The following CCDC141 variants were observed in gnomAD, a reference collection of about 807,000 sequenced individuals.
The protein encoded by CCDC141 is coiled-coil domain-containing protein 141.
CCDC141 carries 168 observed loss-of-function variants against 181.0 expected under a neutral mutation model. The observed-to-expected ratio is 0.93, with a 90% confidence interval of 0.82 to 1.05. The LOEUF (loss-of-function observed/expected upper bound fraction) is 1.05. CCDC141 is among the 50% of genes least tolerant of loss of function. The probability of loss-of-function intolerance (pLI) is 0.00; values close to 1 mark genes in which losing one functional copy is unlikely to be tolerated. For missense variants in CCDC141, 1,902 were observed against 1,788.5 expected, an observed-to-expected ratio of 1.06 and a Z score of -1.14; for synonymous variants, 666 against 642.3, an observed-to-expected ratio of 1.04 and a Z score of -0.56.
At chr2:178,958,035 C>T (rs550201104) in intron 5 of CCDC141, among the ~76,000 whole-genome samples, 6 of 152,284 alleles carry the variant, frequency 3.9e-5, no homozygotes, top group African/African-American at 9.6e-5. Flanking sequence ...AAATGAAAAA[C>T]GCCAATCTGA....
chr2:178,817,099 A>C, the CCDC141 span, among the ~76,000 whole-genome samples: 1 of 152,226 alleles, frequency 6.6e-6, no homozygotes, highest in Non-Finnish European at 1.5e-5. Context: ...TCCACATATG[A>C]GTATTTATAC....
intron 2 of CCDC141, among the ~76,000 whole-genome samples, chr2:178,988,857 A>G (rs142941669): frequency 2.0e-5 from 3 of 152,332 alleles, no homozygotes; most frequent in African/African-American, 4.8e-5. Flanking sequence ...CTATATGTCT[A>G]TGGCCAATTG....
chr2:178,818,733 G>T, the CCDC141 span, among the ~76,000 whole-genome samples: 1 of 152,160 alleles, frequency 6.6e-6, no homozygotes, highest in Non-Finnish European at 1.5e-5. Context: ...GTGCTGCAAT[G>T]AACATACATG....
At chr2:178,911,154 C>T (rs1688201175) in intron 7 of CCDC141, among the ~76,000 whole-genome samples, 1 of 152,150 alleles carries the variant, frequency 6.6e-6, no homozygotes, top group Admixed American at 6.5e-5. Context: ...ATTCAAAAAA[C>T]ATTGAAATTT....
chr2:179,015,386 A>G (rs1166039224), intron 2 of CCDC141, among the ~76,000 whole-genome samples: 4 of 139,666 alleles, frequency 2.9e-5, no homozygotes, highest in Non-Finnish European at 6.1e-5. Context: ...TATATCTCAT[A>G]TATGTATCAT....
intron 12 of CCDC141, chr2:178,877,571 T>G (rs1284192346): frequency 8.5e-6 from 2 of 235,308 alleles, no homozygotes; most frequent in Admixed American, 5.7e-5. Context: ...AGAGATCTGC[T>G]ATGGTAAGAA....
chr2:178,829,442 C>T (rs1303158237), downstream of CCDC141, among the ~76,000 whole-genome samples: 3 of 152,192 alleles, frequency 2.0e-5, no homozygotes, highest in African/African-American at 4.8e-5. Context: ...TGCACTGATG[C>T]TCAGATGGTT....
intron 2 of CCDC141, among the ~76,000 whole-genome samples, chr2:178,983,711 A>G (rs1460222862): frequency 6.6e-6 from 1 of 151,872 alleles, no homozygotes; most frequent in Admixed American, 6.6e-5. Flanking sequence ...AAGAAAGGGT[A>G]TCAGCAATGG....
rs547396579 is a variant in CCDC141, at chr2:179,019,726, G to A, written c.225+27558C>T. 2.2e-4 allele frequency among the ~76,000 whole-genome samples: 33 copies of A among 151,956 alleles called. 1 individual carries two copies. In the South Asian group the frequency reaches 5.2e-3, roughly 24 times the overall value. ...TGGTATAGCTCTTAGTCTATTTTGC[G>A]GTGATGGTAAGATCATTTTTATAAA... On this transcript the variant is annotated intron_variant, in intron 2 of 23. Transcript: ENST00000443758.
chr2:178,984,072 C>T (rs1476826937), intron 2 of CCDC141, among the ~76,000 whole-genome samples: 3 of 152,038 alleles, frequency 2.0e-5, no homozygotes, highest in Non-Finnish European at 2.9e-5. Context: ...AGAGAAAGGT[C>T]GGGTTACCCT....
chr2:178,880,335 C>A (rs959651737), intron 11 of CCDC141, among the ~76,000 whole-genome samples: 1 of 152,084 alleles, frequency 6.6e-6, no homozygotes, highest in Admixed American at 6.6e-5. Flanking sequence ...TGTCAAATTA[C>A]CTGAATTTCA....
intron 21 of CCDC141, 24 bp from the exon 22 acceptor site, chr2:178,845,766 G>C: frequency 7.1e-7 from 1 of 1,410,874 alleles, no homozygotes; most frequent in Non-Finnish European, 1.0e-6. Flanking sequence ...CAGTTAGTGA[G>C]AGCATGAGCC....
chr2:179,027,963 AG>A (rs1429258434), intron 2 of CCDC141, among the ~76,000 whole-genome samples: 1 of 152,148 alleles, frequency 6.6e-6, no homozygotes, highest in Non-Finnish European at 1.5e-5. Flanking sequence ...TCCCACTTAT[AG>A]GTGAGAACAT....
intron 2 of CCDC141, among the ~76,000 whole-genome samples, chr2:179,008,773 A>C (rs1032110559): frequency 7.2e-5 from 11 of 152,194 alleles, no homozygotes; most frequent in Admixed American, 3.3e-4. Flanking sequence ...CTCTACCCAC[A>C]GGACTATCAG....
At chr2:178,836,836 A>AT in intron 23 of CCDC141, 58 bp downstream of exon 23, 1 of 1,550,140 alleles carries the variant, frequency 6.5e-7, no homozygotes, top group Non-Finnish European at 8.7e-7. Flanking sequence ...TCACAGAATG[A>AT]TTTTTCTCTG....
rs142581286 is a variant in CCDC141 at position 178,860,051 on chromosome 2, CAT to C, written c.2725-3656_2725-3655del. Reference sequence around the variant, plus strand: ...AAAGCCTTTCCTTAGAACTATGGCACATGTTTGGCCAGAAGCAAAAATATAAA... The same window carrying C: ...AAAGCCTTTCCTTAGAACTATGGCACGTTTGGCCAGAAGCAAAAATATAAA... On this transcript the variant is annotated intron_variant, in intron 17 of 23. Transcript: ENST00000443758. Among the ~76,000 whole-genome samples the C allele has an allele frequency of 6.6e-5, 10 of 152,294 alleles. No individual in the cohort carries two copies. The East Asian group carries it at 1.5e-3, about 23-fold the overall frequency.
intron 5 of CCDC141, among the ~76,000 whole-genome samples, chr2:178,944,940 T>C (rs1418494160): frequency 1.3e-5 from 2 of 152,058 alleles, no homozygotes; most frequent in Non-Finnish European, 2.9e-5. Context: ...TCAAAATAGA[T>C]TCCCAAGCAG....
chr2:178,838,118 A>T (rs537831962), intron 22 of CCDC141, among the ~76,000 whole-genome samples: 30 of 152,192 alleles, frequency 2.0e-4, no homozygotes, highest in Admixed American at 1.4e-3. Context: ...TTGTCTACAC[A>T]CACATCTATA....
chr2:178,888,401 C>T lies in CCDC141; in HGVS notation c.1407+126G>A. 3 of 795,714 alleles carry T rather than the reference C, an allele frequency of 3.8e-6. No individual in the cohort carries two copies. The South Asian group carries it at 5.1e-5, about 14-fold the overall frequency. 49.3% of individuals were successfully genotyped at this position (795,714 alleles called of 1,614,324 possible). A position where few individuals can be genotyped will look rare whatever the true frequency, so the allele number is the denominator to read the frequency against. ...ACTCTGTTTAGTTCAATTAAAGGACCCAATGTGGTACATAAGGGCAGCCTA... is the reference window on the plus strand; with the variant it reads ...ACTCTGTTTAGTTCAATTAAAGGACTCAATGTGGTACATAAGGGCAGCCTA... On this transcript the variant is annotated intron_variant, in intron 9 of 23. Transcript: ENST00000443758.
Sources: allele counts gnomAD v4.1 joint callset (sites outside exome capture counted in the v4.1 genomes callset), GRCh38; gene constraint gnomAD v4.1.1; transcripts MANE v1.5; gene names NCBI Gene and HGNC (gene_info 2026-07-23, HGNC 2026-07-21).